Variants in ZDHHC17 observed in about 807,000 individuals in gnomAD.
ZDHHC17 encodes the protein zDHHC palmitoyltransferase 17.
In ZDHHC17, 40 loss-of-function variants were observed where a neutral mutation model predicts 90.3. The observed-to-expected ratio is 0.44, with a 90% CI of 0.34 to 0.58. ZDHHC17 has a LOEUF of 0.58. Ranked by LOEUF, ZDHHC17 falls within the 20% of genes least tolerant of loss-of-function variation. The pLI is 0.01. For missense variants in ZDHHC17, 614 were observed against 780.8 expected (o/e 0.79, Z 2.55); for synonymous variants, 235 against 252.4 (o/e 0.93, Z 0.65).
chr12:76,813,238 A>G, intron 5 of ZDHHC17: 1 of 349,576 alleles, frequency 2.9e-6, no homozygotes, highest in Admixed American at 3.7e-5. Context: ...AAAAGAAGTC[A>G]CAATAGTTAC....
At chr12:76,797,664 C>T (rs116419514) in intron 2 of ZDHHC17, 127 bp downstream of exon 2, 8,496 of 633,804 alleles carry the variant, frequency 0.013, 91 homozygotes, top group African/African-American at 0.029. Context: ...GTTTATGGGC[C>T]GGTTGCGGTG....
rs1371978086 is a variant in ZDHHC17, at chr12:76,842,901, TA to T, written c.1267-17del. On this transcript the variant is annotated splice_polypyrimidine_tract_variant and intron_variant, in intron 11 of 16. Transcript: ENST00000426126. Reference sequence around the variant, plus strand: ...CATTGTTCAGTTTTGAATTAAATATTATTTTTTTAATTCACAGACAATAGTT... The same window carrying T: ...CATTGTTCAGTTTTGAATTAAATATTTTTTTTTAATTCACAGACAATAGTT... The T allele has an allele frequency of 1.5e-5, 24 of 1,582,298 alleles. No homozygotes were observed. The highest frequency in any genetic ancestry group is 2.3e-5 in the East Asian group (1 of 43,864).
chr12:76,785,014 A>G (rs914333065), intron 1 of ZDHHC17, among the ~76,000 whole-genome samples: 11 of 152,230 alleles, frequency 7.2e-5, no homozygotes, highest in African/African-American at 2.7e-4. Flanking sequence ...GAAAGCTTTA[A>G]CAGAGAGTCC....
chr12:76,804,525 T>A (rs1287965642), intron 2 of ZDHHC17, among the ~76,000 whole-genome samples: 2 of 152,176 alleles, frequency 1.3e-5, no homozygotes, highest in Non-Finnish European at 1.5e-5. Flanking sequence ...CCTGCGAATG[T>A]AACAAATTAC....
At chr12:76,780,991 G>C (rs572702718) in intron 1 of ZDHHC17, among the ~76,000 whole-genome samples, 1 of 151,842 alleles carries the variant, frequency 6.6e-6, no homozygotes, top group Non-Finnish European at 1.5e-5. Context: ...AAAATTACCC[G>C]GGCGTGGTAG....
chr12:76,842,835 C>A, intron 11 of ZDHHC17, 84 bp from the exon 12 acceptor site: 2 of 952,242 alleles, frequency 2.1e-6, no homozygotes, highest in South Asian at 1.7e-5. Context: ...AGATGAAAAT[C>A]ATGTTTATTG....
chr12:76,808,106 T>G (rs1952976167), intron 3 of ZDHHC17, among the ~76,000 whole-genome samples: 1 of 152,202 alleles, frequency 6.6e-6, no homozygotes, highest in Non-Finnish European at 1.5e-5. Context: ...GCCACAAATT[T>G]CTGAATTAAA....
chr12:76,837,554 GTATGT>G (rs2137798055), intron 10 of ZDHHC17, among the ~76,000 whole-genome samples: 1 of 152,204 alleles, frequency 6.6e-6, no homozygotes, highest in Admixed American at 6.5e-5. Flanking sequence ...AAAACAACCA[GTATGT>G]TTCAGAGGAT....
At chr12:76,809,617 A>G (rs1952996180) in intron 4 of ZDHHC17, 96 bp from the exon 5 acceptor site, 1 of 1,010,380 alleles carries the variant, frequency 9.9e-7, no homozygotes, top group Non-Finnish European at 1.3e-6. Flanking sequence ...ATACATACGT[A>G]ATCTTCCCAC....
At chr12:76,820,677 G>T (rs1405035288) in intron 7 of ZDHHC17, among the ~76,000 whole-genome samples, 1 of 152,074 alleles carries the variant, frequency 6.6e-6, no homozygotes, top group African/African-American at 2.4e-5. Flanking sequence ...TGACCTAAAT[G>T]GTCACCAAGG....
At chr12:76,784,528 A>G (rs1169122271) in intron 1 of ZDHHC17, among the ~76,000 whole-genome samples, 2 of 152,212 alleles carry the variant, frequency 1.3e-5, no homozygotes, top group East Asian at 1.9e-4. Flanking sequence ...ATCGACATCA[A>G]TTTGTGAGGA....
In ZDHHC17 at chr12:76,780,917, C is replaced by T. The variant is rs190982530; in HGVS notation, c.94-16517C>T. Among the ~76,000 whole-genome samples the T allele has an allele frequency of 1.1e-4, 16 of 151,610 alleles. No homozygotes were observed. In the East Asian group the frequency reaches 2.3e-3, roughly 22 times the overall value. ...TGGGTGGATCACGAGGTCAGGAGAT[C>T]GAGACCATCCTCATCCTGGCTAACA... On this transcript the variant is annotated intron_variant, in intron 1 of 16. Transcript: ENST00000426126.
intron 8 of ZDHHC17, among the ~76,000 whole-genome samples, chr12:76,824,635 T>C (rs887858804): frequency 6.6e-6 from 1 of 152,068 alleles, no homozygotes; most frequent in Admixed American, 6.5e-5. Flanking sequence ...AATAAAAATA[T>C]CATTCCAAAA....
intron 8 of ZDHHC17, among the ~76,000 whole-genome samples, chr12:76,822,798 C>A (rs1953181781): frequency 6.6e-6 from 1 of 151,848 alleles, no homozygotes; most frequent in South Asian, 2.1e-4. Flanking sequence ...CACCTGACTT[C>A]AGGTGATACT....
intron 1 of ZDHHC17, among the ~76,000 whole-genome samples, chr12:76,796,519 A>G (rs1002249767): frequency 1.3e-4 from 20 of 152,164 alleles, no homozygotes; most frequent in African/African-American, 4.8e-4. Context: ...TAAATTTTAT[A>G]TATATGGATT....
intron 12 of ZDHHC17, chr12:76,844,270 G>A (rs895722039): frequency 6.6e-6 from 1 of 152,054 alleles, no homozygotes; most frequent in Non-Finnish European, 1.5e-5. Flanking sequence ...TTATTTATAA[G>A]CCACATACTT....
intron 7 of ZDHHC17, among the ~76,000 whole-genome samples, chr12:76,817,813 T>C (rs1432038611): frequency 4.6e-5 from 7 of 152,156 alleles, no homozygotes; most frequent in Non-Finnish European, 1.0e-4. Context: ...TTTAAAATTA[T>C]TTAAATGATT....
At chr12:76,795,318 C>T (rs949549100) in intron 1 of ZDHHC17, among the ~76,000 whole-genome samples, 2 of 150,674 alleles carry the variant, frequency 1.3e-5, no homozygotes, top group South Asian at 2.1e-4. Context: ...TTGATTACTG[C>T]GTTTTTTGAC....
At chr12:76,781,608 A>G (rs1303488524) in intron 1 of ZDHHC17, 7 of 455,906 alleles carry the variant, frequency 1.5e-5, no homozygotes, top group Non-Finnish European at 2.6e-5. Flanking sequence ...TGCACCTTCT[A>G]CCATGGGATG....
Sources: gnomAD v4.1 joint callset for allele counts (sites outside exome capture counted in the v4.1 genomes callset) on GRCh38, gnomAD v4.1.1 for gene constraint, MANE v1.5 for transcripts, NCBI Gene and HGNC (gene_info 2026-07-23, HGNC 2026-07-21) for gene names.